The following DTNB variants were observed in gnomAD, a reference collection of about 807,000 sequenced individuals.
DTNB encodes the protein dystrobrevin beta.
In DTNB, 63 loss-of-function variants were observed where a neutral mutation model predicts 90.7. That is an observed-to-expected ratio of 0.69 (90% confidence interval 0.57 to 0.86). The LOEUF is 0.86. DTNB is among the 40% of genes least tolerant of loss of function. The probability of loss-of-function intolerance (pLI) is 0.00; values close to 1 mark genes in which losing one functional copy is unlikely to be tolerated. For synonymous variants in DTNB, 277 were observed against 286.7 expected (o/e 0.97, Z 0.34); for missense variants, 744 against 807.1 (o/e 0.92, Z 0.95).
chr2:25,483,991 C>G (rs1047785731), intron 9 of DTNB, among the ~76,000 whole-genome samples: 2 of 152,166 alleles, frequency 1.3e-5, no homozygotes, highest in African/African-American at 4.8e-5. Context: ...CCATGTTGTA[C>G]AGGTTTGTAG....
At chr2:25,668,450 T>C (rs1322929632) in intron 1 of DTNB, among the ~76,000 whole-genome samples, 6 of 152,204 alleles carry the variant, frequency 3.9e-5, no homozygotes, top group African/African-American at 4.8e-5. Flanking sequence ...ATTTTACAAG[T>C]GAGCCCCTTG....
intron 8 of DTNB, among the ~76,000 whole-genome samples, chr2:25,559,792 G>T (rs1396413206): frequency 6.6e-6 from 1 of 152,206 alleles, no homozygotes; most frequent in Non-Finnish European, 1.5e-5. Context: ...GCAATCAAAT[G>T]TATTTTCATA....
At chr2:25,396,120 A>C (rs183138462) in intron 16 of DTNB, among the ~76,000 whole-genome samples, 64 of 152,340 alleles carry the variant, frequency 4.2e-4, no homozygotes, top group Non-Finnish European at 4.7e-4. Flanking sequence ...CATTCACAGC[A>C]ACCTGGATGG....
chr2:25,544,265 A>G (rs1377588523), intron 8 of DTNB, among the ~76,000 whole-genome samples: 2 of 152,202 alleles, frequency 1.3e-5, no homozygotes, highest in African/African-American at 4.8e-5. Context: ...CTCCTGTGCC[A>G]GGGCTGAGAC....
intron 3 of DTNB, among the ~76,000 whole-genome samples, chr2:25,633,008 A>C (rs2076096993): frequency 6.6e-6 from 1 of 152,260 alleles, no homozygotes; most frequent in South Asian, 2.1e-4. Context: ...TGAAACTGTC[A>C]TTATTCAGAA....
intron 10 of DTNB, among the ~76,000 whole-genome samples, chr2:25,476,002 A>T (rs1051357698): frequency 1.3e-5 from 2 of 152,110 alleles, no homozygotes; most frequent in African/African-American, 4.8e-5. Context: ...GTACAAGGAG[A>T]TGAATGTTGC....
intron 10 of DTNB, among the ~76,000 whole-genome samples, chr2:25,467,299 CT>C (rs11345885): frequency 0.51 from 60,844 of 119,718 alleles, 13,455 homozygotes; most frequent in East Asian, 0.71. Flanking sequence ...TTCTTTCTTT[CT>C]TTTTTTTTTT....
At chr2:25,383,597 T>G in intron 19 of DTNB, 1 of 740,498 alleles carries the variant, frequency 1.4e-6, no homozygotes, top group Non-Finnish European at 2.1e-6. Flanking sequence ...ATCTACTTCC[T>G]GTATCCCAAC....
At chr2:25,506,583 A>C (rs2072492772) in intron 9 of DTNB, among the ~76,000 whole-genome samples, 1 of 152,174 alleles carries the variant, frequency 6.6e-6, no homozygotes, top group African/African-American at 2.4e-5. Context: ...ATGTGTTCTC[A>C]GCATTCAGCT....
intron 16 of DTNB, among the ~76,000 whole-genome samples, chr2:25,414,719 G>C (rs2047457126): frequency 6.6e-6 from 1 of 152,064 alleles, no homozygotes; most frequent in Non-Finnish European, 1.5e-5. Flanking sequence ...TTATAAAATT[G>C]GTTAATATTG....
intron 16 of DTNB, among the ~76,000 whole-genome samples, chr2:25,416,812 G>GGAAGGAAGGAAGGAAC (rs1344959966): frequency 8.5e-6 from 1 of 118,340 alleles, no homozygotes; most frequent in African/African-American, 3.1e-5. Context: ...AACGAAGGAA[G>GGAAGGAAGGAAGGAAC]GAAGGAAGGA....
rs910537261 is a variant in DTNB, at chr2:25,589,379, T to C, written c.603+6707A>G. 6.9e-3 allele frequency among the ~76,000 whole-genome samples: 762 copies of C among 110,994 alleles called. 14 individuals are homozygous for C. The highest frequency in any genetic ancestry group is 0.026 in the African/African-American group (729 of 27,586). 72.8% of individuals were successfully genotyped at this position (110,994 alleles called of 152,430 possible). ...TTCTTTTTCTTTTCTTTTTTTTTTT[T>C]TTTTTTTTTTTTTTTTTTTGAGATG... On this transcript the variant is annotated intron_variant, in intron 6 of 20. Coordinates refer to ENST00000406818, the MANE Select transcript of DTNB (RefSeq NM_021907.5).
intron 15 of DTNB, among the ~76,000 whole-genome samples, chr2:25,422,881 C>T (rs2050235606): frequency 6.6e-6 from 1 of 152,048 alleles, no homozygotes; most frequent in Non-Finnish European, 1.5e-5. Context: ...ACATGAATGC[C>T]TGAGTGTCAG....
intron 19 of DTNB, among the ~76,000 whole-genome samples, chr2:25,383,478 C>A (rs2038496333): frequency 6.6e-6 from 1 of 152,194 alleles, no homozygotes; most frequent in Non-Finnish European, 1.5e-5. Context: ...CTCAGCCTCC[C>A]AAAGTGCTGG....
At chr2:25,500,311 C>A (rs2070245969) in intron 9 of DTNB, among the ~76,000 whole-genome samples, 1 of 152,062 alleles carries the variant, frequency 6.6e-6, no homozygotes, top group African/African-American at 2.4e-5. Context: ...GATATCCAGA[C>A]AAGGAATTCA....
chr2:25,486,632 CAAA>C (rs57903531), intron 9 of DTNB, among the ~76,000 whole-genome samples: 12 of 92,302 alleles, frequency 1.3e-4, no homozygotes, highest in South Asian at 3.6e-4. Flanking sequence ...GACCCTGTCT[CAAA>C]AAAAAAAAAA....
intron 8 of DTNB, among the ~76,000 whole-genome samples, chr2:25,572,465 G>A (rs1476546298): frequency 8.5e-5 from 12 of 140,454 alleles, no homozygotes; most frequent in African/African-American, 2.9e-4. Flanking sequence ...AGACTCCATC[G>A]CCAAAAAAAA....
intron 3 of DTNB, among the ~76,000 whole-genome samples, chr2:25,632,892 G>A (rs1268889037): frequency 6.6e-6 from 1 of 152,066 alleles, no homozygotes; most frequent in Non-Finnish European, 1.5e-5. Flanking sequence ...TCTGATAATG[G>A]GAATGAGATA....
At position 25,535,039 on chromosome 2, in the gene DTNB, G is replaced by A. The variant is rs567322280; in HGVS notation, c.877-3442C>T. ...GCTCCTCACCTCCCAGACGAAGAGC[G>A]GCCGGGCAGAGGCGCTCCTCACCTC... On this transcript the variant is annotated intron_variant, in intron 8 of 20. Transcript: ENST00000406818. Among the ~76,000 whole-genome samples, 805 of 145,730 alleles carry A rather than the reference G, an allele frequency of 5.5e-3. 5 individuals carry two copies. The highest frequency in any genetic ancestry group is 0.02 in the African/African-American group (763 of 38,954).
Sources: allele counts gnomAD v4.1 joint callset (sites outside exome capture counted in the v4.1 genomes callset), GRCh38; gene constraint gnomAD v4.1.1; transcripts MANE v1.5; gene names NCBI Gene and HGNC (gene_info 2026-07-23, HGNC 2026-07-21).